The following ADD1 variants were observed in gnomAD, a reference collection of about 807,000 sequenced individuals.
The protein encoded by ADD1 is adducin 1, also known as alpha-adducin.
ADD1 carries 24 observed loss-of-function variants against 80.5 expected under a neutral mutation model. The observed-to-expected ratio is 0.30, with a 90% CI of 0.22 to 0.42. ADD1 has a LOEUF of 0.42. Among genes scored for constraint, ADD1 ranks in the 10% least tolerant of loss-of-function variants. ADD1 has a pLI of 1.00. For missense variants in ADD1, 948 were observed against 1,019.0 expected (o/e 0.93, Z 0.95); for synonymous variants, 373 against 393.8 (o/e 0.95, Z 0.63).
chr4:2,880,939 AG>A (rs1732208726), intron 2 of ADD1, among the ~76,000 whole-genome samples: 1 of 152,136 alleles, frequency 6.6e-6, no homozygotes, highest in South Asian at 2.1e-4. Context: ...ATGGATGGTT[AG>A]GGTTTTTTCC....
chr4:2,877,192 T>C (rs904145185), intron 2 of ADD1, among the ~76,000 whole-genome samples: 2 of 152,182 alleles, frequency 1.3e-5, no homozygotes, highest in Admixed American at 6.5e-5. Context: ...TTGCTGCTGC[T>C]GCCTTTGTGT....
rs182878756 is a variant in ADD1 at position 2,852,004 on chromosome 4, A to G, written c.-21+7980A>G. Among the ~76,000 whole-genome samples, 151 of 151,938 alleles carry G rather than the reference A, an allele frequency of 9.9e-4. 1 individual carries two copies. The highest frequency in any genetic ancestry group is 3.5e-3 in the Admixed American group (54 of 15,262). ...CAGGCATGCATCACTACGCCCGGCT[A>G]ATTTTTGTATTTTTAGTAGAGACGG... On this transcript the variant is annotated intron_variant, in intron 1 of 15. Transcript: ENST00000683351.
intron 9 of ADD1, among the ~76,000 whole-genome samples, chr4:2,904,326 C>T (rs1465859603): frequency 1.3e-5 from 2 of 152,190 alleles, no homozygotes; most frequent in Non-Finnish European, 2.9e-5. Flanking sequence ...TCCTGTCTCC[C>T]AGGACAACCA....
Position 2,928,642 on chromosome 4 carries a change from G to A in ADD1, c.*119G>A. The stretch of plus-strand genomic sequence containing the variant: ...AAAAAAGCCAAGCCCTCCGCCTAGA[G>A]GTCCCCTCACGTGACCAGCCCCGTG... On this transcript the variant is annotated 3_prime_UTR_variant, in exon 16 of 16. Transcript: ENST00000683351. The A allele has an allele frequency of 8.6e-7, 1 of 1,158,346 alleles. No individual in the cohort carries two copies. The highest frequency in any genetic ancestry group is 1.2e-6 in the Non-Finnish European group (1 of 810,028). 71.8% of individuals were successfully genotyped at this position (1,158,346 alleles called of 1,614,324 possible).
chr4:2,926,629 G>T lies in ADD1; in HGVS notation c.2047+517G>T. On this transcript the variant is annotated intron_variant, in intron 15 of 15. Transcript: ENST00000683351. The surrounding 1 kb of genome is among the most constrained non-coding windows in gnomAD (Gnocchi z 5.0). ...CTTGTGCTTTTTTCTCCCTGTGGCTGCGTCACAAGCAGGAGACGGATGCGC... is the reference window on the plus strand; with the variant it reads ...CTTGTGCTTTTTTCTCCCTGTGGCTTCGTCACAAGCAGGAGACGGATGCGC... 1 of 1,613,698 alleles carries T rather than the reference G, an allele frequency of 6.2e-7. No homozygotes were observed.
Position 2,926,604 on chromosome 4 carries a change from C to G in ADD1, c.2047+492C>G. ...TGTGACTGAATGCATAGATTCTCTCCTTGTGCTTTTTTCTCCCTGTGGCTG... is the reference window on the plus strand; with the variant it reads ...TGTGACTGAATGCATAGATTCTCTCGTTGTGCTTTTTTCTCCCTGTGGCTG... On this transcript the variant is annotated intron_variant, in intron 15 of 15. Coordinates refer to ENST00000683351, the MANE Select transcript of ADD1 (RefSeq NM_001354761.2). This position sits in a 1 kb window ranked among gnomAD's most constrained non-coding sequence, Gnocchi z 5.0. 1 of 1,611,820 alleles carries G rather than the reference C, an allele frequency of 6.2e-7. No individual in the cohort carries two copies. Among genetic ancestry groups the G allele is most frequent in the Non-Finnish European group, 8.5e-7 (1 of 1,178,770 alleles).
At chr4:2,846,019 AC>A (rs972126196) in intron 1 of ADD1, among the ~76,000 whole-genome samples, 2 of 152,184 alleles carry the variant, frequency 1.3e-5, no homozygotes, top group Non-Finnish European at 2.9e-5. Flanking sequence ...ATATCCTTTA[AC>A]CGTTAAATAG....
rs567471384 is a variant in ADD1, at chr4:2,877,286, G to A, written c.195+1176G>A. Among the ~76,000 whole-genome samples, 25 of 151,948 alleles carry A rather than the reference G, an allele frequency of 1.6e-4. No homozygotes were observed. In the South Asian group the frequency reaches 3.3e-3, roughly 20 times the overall value. ...ACCAGGGGAGTGTCATTTGGCAGAAGTTTATTGATTTTCTTAAAAAAAACA... is the reference window on the plus strand; with the variant it reads ...ACCAGGGGAGTGTCATTTGGCAGAAATTTATTGATTTTCTTAAAAAAAACA... On this transcript the variant is annotated intron_variant, in intron 2 of 15. Transcript: ENST00000683351.
intron 13 of ADD1, among the ~76,000 whole-genome samples, chr4:2,913,693 T>C (rs1738465912): frequency 6.6e-6 from 1 of 151,850 alleles, no homozygotes; most frequent in Non-Finnish European, 1.5e-5. Context: ...TGTCTCTGCT[T>C]GAGGAGCGGT....
chr4:2,878,624 A>G (rs899352413), intron 2 of ADD1, among the ~76,000 whole-genome samples: 2 of 152,130 alleles, frequency 1.3e-5, no homozygotes, highest in African/African-American at 4.8e-5. Flanking sequence ...CAGGTTGTTT[A>G]GAACACAGTA....
chr4:2,925,709 G>A (rs1005179919), intron 14 of ADD1, among the ~76,000 whole-genome samples: 10 of 152,226 alleles, frequency 6.6e-5, no homozygotes, highest in Non-Finnish European at 1.2e-4. Flanking sequence ...ACAGGACAGC[G>A]GGGGACAGGC....
At chr4:2,921,482 G>A (rs1740033339) in intron 14 of ADD1, among the ~76,000 whole-genome samples, 1 of 152,208 alleles carries the variant, frequency 6.6e-6, no homozygotes, top group African/African-American at 2.4e-5. Context: ...CTTCTGGCTT[G>A]TAGGGTTTCT....
chr4:2,924,322 A>G (rs990094868), intron 14 of ADD1, among the ~76,000 whole-genome samples: 3 of 152,246 alleles, frequency 2.0e-5, no homozygotes, highest in African/African-American at 4.8e-5. Flanking sequence ...GCTTTTGGGC[A>G]TCAGCTGCTT....
rs1047715784 is a variant in ADD1, at chr4:2,905,032, C to T, written c.1430C>T (p.Thr477Ile). The change falls in exon 10 of 16, where the codon ACA becomes ATA. Residue 477 changes from threonine (T) to isoleucine (I), a missense_variant. By Grantham distance (89) the Thr-to-Ile change is moderately conservative. Transcript: ENST00000683351. Reference sequence around the variant, plus strand: ...AAGACTAAGGTGTGGACGAACATTACACACGATCACGTGAAACCCTTGCTG... The same window carrying T: ...AAGACTAAGGTGTGGACGAACATTATACACGATCACGTGAAACCCTTGCTG... ...KSKTKVWTNI[T>I]HDHVKPLLQS... 6.2e-7 allele frequency: 1 copy of T among 1,614,224 alleles called. No individual in the cohort carries two copies. The highest frequency in any genetic ancestry group is 1.1e-5 in the South Asian group (1 of 91,084).
intron 1 of ADD1, among the ~76,000 whole-genome samples, chr4:2,868,810 C>T (rs139487842): frequency 2.6e-5 from 4 of 152,130 alleles, no homozygotes. Context: ...TATGTTGACA[C>T]ACAGGAGTCC....
At chr4:2,852,875 A>T (rs923119913) in intron 1 of ADD1, among the ~76,000 whole-genome samples, 9 of 149,230 alleles carry the variant, frequency 6.0e-5, no homozygotes, top group South Asian at 4.3e-4. Flanking sequence ...AACTAAAAAA[A>T]TTTTTTTTTT....
intron 12 of ADD1, 30 bp downstream of exon 12, chr4:2,908,634 T>G (rs1274429399): frequency 6.3e-7 from 1 of 1,588,236 alleles, no homozygotes; most frequent in Admixed American, 1.7e-5. Flanking sequence ...CTGACTTTAG[T>G]GGGTGGTGGC....
chr4:2,863,219 A>ATT (rs34312305), intron 1 of ADD1, among the ~76,000 whole-genome samples: 32,437 of 123,496 alleles, frequency 0.26, 4,696 homozygotes, highest in East Asian at 0.47. Context: ...CTAATTTTTA[A>ATT]TTTTTTTTTT....
chr4:2,884,678 A>G lies in ADD1; in HGVS notation c.510+12A>G, dbSNP rs1732954056. The G allele has an allele frequency of 6.3e-7, 1 of 1,590,092 alleles. No homozygotes were observed. Among genetic ancestry groups the G allele is most frequent in the Non-Finnish European group, 8.6e-7 (1 of 1,163,686 alleles). On this transcript the variant is annotated intron_variant, in intron 4 of 15. Coordinates refer to ENST00000683351, the MANE Select transcript of ADD1 (RefSeq NM_001354761.2). ...ACAATCATATCACAGTGAGTATTAA[A>G]TGGGCTAGTAACTGAACGATAAATG... is the stretch of plus-strand genomic sequence containing the variant.
Sources: allele counts gnomAD v4.1 joint callset (sites outside exome capture counted in the v4.1 genomes callset), GRCh38; gene constraint gnomAD v4.1.1; non-coding constraint Gnocchi (gnomAD v3.1); transcripts MANE v1.5; gene names NCBI Gene and HGNC (gene_info 2026-07-23, HGNC 2026-07-21).